The following FLT3 variants were observed in gnomAD, a reference collection of about 807,000 sequenced individuals.
The protein encoded by FLT3 is fms related receptor tyrosine kinase 3.
A neutral mutation model predicts 126.6 loss-of-function variants in FLT3; 46 were observed. The ratio of observed to expected loss-of-function variants is 0.36; its 90% CI spans 0.29 to 0.46. The LOEUF (loss-of-function observed/expected upper bound fraction) is 0.46. Among genes scored for constraint, FLT3 ranks in the 20% least tolerant of loss-of-function variants. The probability of loss-of-function intolerance (pLI) is 1.00; values close to 1 mark genes in which losing one functional copy is unlikely to be tolerated. For synonymous variants in FLT3, 404 were observed against 434.4 expected (o/e 0.93, Z 0.87); for missense variants, 1,069 against 1,190.3 (o/e 0.90, Z 1.50).
intron 15 of FLT3, among the ~76,000 whole-genome samples, chr13:28,030,033 A>G (rs1010803391): frequency 7.9e-5 from 12 of 152,188 alleles, no homozygotes; most frequent in Non-Finnish European, 1.3e-4. Context: ...CCCCTCTGTG[A>G]ACAGACTTTT....
intron 12 of FLT3, 139 bp from the exon 13 acceptor site, chr13:28,034,546 C>T: frequency 1.6e-6 from 1 of 644,344 alleles, no homozygotes; most frequent in Non-Finnish European, 2.8e-6. Context: ...TACATATACT[C>T]TACTCCCCAC....
At chr13:28,086,909 A>G (rs1234404267) in intron 1 of FLT3, among the ~76,000 whole-genome samples, 1 of 151,984 alleles carries the variant, frequency 6.6e-6, no homozygotes, top group Non-Finnish European at 1.5e-5. Flanking sequence ...GGCCTCCCAA[A>G]GTGCTAGGAT....
intron 1 of FLT3, among the ~76,000 whole-genome samples, chr13:28,090,972 G>A (rs1878992736): frequency 6.6e-6 from 1 of 152,038 alleles, no homozygotes; most frequent in South Asian, 2.1e-4. Context: ...GACAGTACTG[G>A]GATGGGGGTG....
Position 28,080,935 on chromosome 13 carries a change from A to G in FLT3, c.44-10323T>C, listed in dbSNP as rs568036606. ...TTACACCTTTATCAAAAATAAATTGACCATATATTTTTGGTCAGTTTCTAG... is the reference window on the plus strand; with the variant it reads ...TTACACCTTTATCAAAAATAAATTGGCCATATATTTTTGGTCAGTTTCTAG... On this transcript the variant is annotated intron_variant, in intron 1 of 23. Coordinates refer to ENST00000241453, the MANE Select transcript of FLT3 (RefSeq NM_004119.3). Among the ~76,000 whole-genome samples the G allele has an allele frequency of 3.9e-5, 6 of 152,246 alleles. No homozygotes were observed. The South Asian group carries it at 1.2e-3, about 32-fold the overall frequency.
chr13:28,035,176 A>C lies in FLT3; in HGVS notation c.1597+319T>G, dbSNP rs538914101. ...CAAGCTGAGGGCAAATAAGGAGGCT[A>C]ATCAAAAGGGAAAATGACAGAGACT... is the stretch of plus-strand genomic sequence containing the variant. On this transcript the variant is annotated intron_variant, in intron 12 of 23. Transcript: ENST00000241453. Among the ~76,000 whole-genome samples the C allele has an allele frequency of 3.3e-5, 5 of 152,294 alleles. No individual in the cohort carries two copies. The South Asian group carries it at 1.0e-3, about 32-fold the overall frequency.
chr13:28,084,741 C>G (rs901497761), intron 1 of FLT3, among the ~76,000 whole-genome samples: 1 of 152,044 alleles, frequency 6.6e-6, no homozygotes, highest in African/African-American at 2.4e-5. Context: ...TTTGGGAGGC[C>G]GAGGAGGGCG....
At chr13:28,067,018 C>T (rs1023100642) in intron 2 of FLT3, among the ~76,000 whole-genome samples, 7 of 152,122 alleles carry the variant, frequency 4.6e-5, no homozygotes, top group Admixed American at 6.6e-5. Flanking sequence ...GGGAAGGGCA[C>T]GCTCCTGGGA....
rs928015714 is a variant in FLT3, at chr13:28,023,439, C to T, written c.2329G>A (p.Glu777Lys). 9 of 1,614,022 alleles carry T rather than the reference C, an allele frequency of 5.6e-6. No homozygotes were observed. The highest frequency in any genetic ancestry group is 7.6e-6 in the Non-Finnish European group (9 of 1,179,912). ...EYENQKRLEE[E>K]EDLNVLTFED... Reference sequence around the variant, plus strand: ...AATGTAAGCACATTCAAGTCCTCCTCTTCTTCCAGCCTTTTTTGGTTTTCA... The same window carrying T: ...AATGTAAGCACATTCAAGTCCTCCTTTTCTTCCAGCCTTTTTTGGTTTTCA... Residue 777 changes from glutamate to lysine, a missense_variant, in exon 19 of 24, where the codon GAG becomes AAG. Coordinates refer to ENST00000241453, the MANE Select transcript of FLT3 (RefSeq NM_004119.3).
chr13:28,098,147 T>C (rs1361213269), intron 1 of FLT3, among the ~76,000 whole-genome samples: 2 of 151,804 alleles, frequency 1.3e-5, no homozygotes, highest in East Asian at 1.9e-4. Flanking sequence ...AAACCTCGTC[T>C]CTACTAAAAA....
At chr13:28,074,279 G>A (rs1480094670) in intron 1 of FLT3, among the ~76,000 whole-genome samples, 1 of 152,092 alleles carries the variant, frequency 6.6e-6, no homozygotes. Context: ...GTAATCTGTT[G>A]TATAGATATA....
Position 28,037,262 on chromosome 13 carries a change from T to C in FLT3, c.1232A>G (p.His411Arg), listed in dbSNP as rs1253092354. ...ATGGAATATATATTCTCCTGGCTGG[T>C]GCTTATGATTGCAAAACTTGGATAT... ...YSISKFCNHK[H>R]QPGEYIFHAE... is the part of the protein sequence containing the mutation. Residue 411 changes from histidine (H) to arginine (R), a missense_variant, in exon 10 of 24, where the codon CAC becomes CGC. Coordinates refer to ENST00000241453, the MANE Select transcript of FLT3 (RefSeq NM_004119.3). 1 of 1,611,090 alleles carries C rather than the reference T, an allele frequency of 6.2e-7. No individual in the cohort carries two copies. Among genetic ancestry groups the C allele is most frequent in the East Asian group, 2.2e-5 (1 of 44,858 alleles).
At chr13:28,066,293 C>T (rs1402503355) in intron 2 of FLT3, among the ~76,000 whole-genome samples, 2 of 152,182 alleles carry the variant, frequency 1.3e-5, no homozygotes, top group Non-Finnish European at 2.9e-5. Flanking sequence ...TATTTCCAGG[C>T]TCTGCCTGCC....
chr13:28,100,107 G>A lies in FLT3; in HGVS notation c.43+361C>T, dbSNP rs749203565. ...GCCACCTGGCGCCGAGTTCGCGGCC[G>A]CAGACTCCCACGGACGGCCCAGCAC... is the stretch of plus-strand genomic sequence containing the variant. On this transcript the variant is annotated intron_variant, in intron 1 of 23. Transcript: ENST00000241453. The surrounding 1 kb of genome is among the most constrained non-coding windows in gnomAD (Gnocchi z 4.8). Among the ~76,000 whole-genome samples the A allele has an allele frequency of 2.0e-5, 3 of 152,162 alleles. No homozygotes were observed. The highest frequency in any genetic ancestry group is 6.5e-5 in the Admixed American group (1 of 15,282).
chr13:28,099,221 C>T (rs1879665085), intron 1 of FLT3, among the ~76,000 whole-genome samples: 1 of 152,100 alleles, frequency 6.6e-6, no homozygotes, highest in Non-Finnish European at 1.5e-5. Flanking sequence ...GCCCATTATG[C>T]TTCTGAAAAA....
intron 1 of FLT3, among the ~76,000 whole-genome samples, chr13:28,095,103 C>T (rs1057426019): frequency 1.3e-5 from 2 of 152,082 alleles, no homozygotes; most frequent in Admixed American, 1.3e-4. Context: ...CTGATAAAAA[C>T]CAAAAAGCTT....
At chr13:28,039,813 G>T (rs928745425) in intron 9 of FLT3, among the ~76,000 whole-genome samples, 20 of 152,112 alleles carry the variant, frequency 1.3e-4, no homozygotes, top group Admixed American at 6.6e-4. Context: ...CTCCAAAAGT[G>T]CTGGGATTAC....
At chr13:28,063,798 T>C (rs1416612567) in intron 2 of FLT3, among the ~76,000 whole-genome samples, 2 of 151,218 alleles carry the variant, frequency 1.3e-5, no homozygotes. Flanking sequence ...AATAAATAAG[T>C]AAAACACAGG....
rs1872662386 is a variant in FLT3 at position 28,024,739 on chromosome 13, T to C, written c.2290+122A>G. ...CAGTATACAAACTGGCTTTTAGCTA[T>C]CATCTGACAATTAGCAAATTTTAAA... On this transcript the variant is annotated intron_variant, in intron 18 of 23. Coordinates refer to ENST00000241453, the MANE Select transcript of FLT3 (RefSeq NM_004119.3). 5 of 665,494 alleles carry C rather than the reference T, an allele frequency of 7.5e-6. No homozygotes were observed. In the East Asian group the frequency reaches 1.3e-4, roughly 18 times the overall value. 41.2% of individuals were successfully genotyped at this position (665,494 alleles called of 1,614,324 possible). A position where few individuals can be genotyped will look rare whatever the true frequency, so the allele number is the denominator to read the frequency against.
chr13:28,039,000 T>A (rs1399937065), intron 9 of FLT3, among the ~76,000 whole-genome samples: 1 of 151,904 alleles, frequency 6.6e-6, no homozygotes, highest in African/African-American at 2.4e-5. Flanking sequence ...GTGGGAAAGG[T>A]TCGGGGCCTT....
Sources: gnomAD v4.1 joint callset for allele counts (sites outside exome capture counted in the v4.1 genomes callset) on GRCh38, gnomAD v4.1.1 for gene constraint, Gnocchi (gnomAD v3.1) non-coding constraint, MANE v1.5 for transcripts, NCBI Gene and HGNC (gene_info 2026-07-23, HGNC 2026-07-21) for gene names.